VPS39: variants seen among roughly 807,000 people sequenced by gnomAD.
VPS39 encodes vam6/Vps39-like protein.
In VPS39, 70 loss-of-function variants were observed where a neutral mutation model predicts 121.0. The ratio of observed to expected loss-of-function variants is 0.58; its 90% CI spans 0.48 to 0.71. The LOEUF (loss-of-function observed/expected upper bound fraction) is 0.71. Ranked by LOEUF, VPS39 falls within the 30% of genes least tolerant of loss-of-function variation. VPS39 has a pLI of 0.00. For synonymous variants in VPS39, 378 were observed against 398.1 expected (o/e 0.95, Z 0.60); for missense variants, 818 against 1,051.5 (o/e 0.78, Z 3.07).
chr15:42,167,782 G>A (rs1331853456), intron 12 of VPS39, among the ~76,000 whole-genome samples: 2 of 152,108 alleles, frequency 1.3e-5, no homozygotes, highest in East Asian at 1.9e-4. Flanking sequence ...AACAAGTGCC[G>A]ATAATATTAT....
At chr15:42,185,067 C>G (rs2049671960) in intron 7 of VPS39, among the ~76,000 whole-genome samples, 1 of 152,186 alleles carries the variant, frequency 6.6e-6, no homozygotes, top group African/African-American at 2.4e-5. Flanking sequence ...CCATATGCCC[C>G]AGCAATCCCA....
At chr15:42,186,257 C>T (rs2049698873) in intron 7 of VPS39, among the ~76,000 whole-genome samples, 1 of 149,376 alleles carries the variant, frequency 6.7e-6, no homozygotes. Flanking sequence ...CATATTGTGA[C>T]CCCATCTCTA....
intron 1 of VPS39, among the ~76,000 whole-genome samples, chr15:42,206,990 G>A (rs1323554595): frequency 6.6e-6 from 1 of 152,164 alleles, no homozygotes; most frequent in Non-Finnish European, 1.5e-5. Context: ...TAACCCAAAG[G>A]ACTAGAACTG....
intron 8 of VPS39, among the ~76,000 whole-genome samples, chr15:42,182,870 C>T (rs376245110): frequency 7.9e-5 from 12 of 152,316 alleles, no homozygotes; most frequent in East Asian, 7.7e-4. Context: ...ATCAGAAACA[C>T]GCTTGACTTT....
At chr15:42,168,753 A>G (rs1451590122) in intron 12 of VPS39, among the ~76,000 whole-genome samples, 1 of 152,086 alleles carries the variant, frequency 6.6e-6, no homozygotes, top group Non-Finnish European at 1.5e-5. Context: ...CATGTTGGCC[A>G]GGCTGGTTTC....
At chr15:42,163,603 G>A (rs779539891) in intron 20 of VPS39, 23 bp downstream of exon 20, 8 of 1,600,294 alleles carry the variant, frequency 5.0e-6, no homozygotes, top group Non-Finnish European at 6.0e-6. Context: ...TGCTTAGGAG[G>A]TGGGATGTTG....
intron 7 of VPS39, among the ~76,000 whole-genome samples, chr15:42,186,080 G>A (rs2049694580): frequency 6.6e-6 from 1 of 152,102 alleles, no homozygotes; most frequent in Non-Finnish European, 1.5e-5. Context: ...CCAGGAGTCT[G>A]CAACTCTGAT....
Position 42,177,459 on chromosome 15 carries a change from CT to C in VPS39, c.960+758del, listed in dbSNP as rs376969243. 7.8e-3 allele frequency among the ~76,000 whole-genome samples: 1,184 copies of C among 152,180 alleles called. 13 individuals carry two copies. The highest frequency in any genetic ancestry group is 0.027 in the African/African-American group (1,131 of 41,498). On this transcript the variant is annotated intron_variant, in intron 10 of 24. Coordinates refer to ENST00000318006, the MANE Select transcript of VPS39 (RefSeq NM_015289.5). ...ACTGCCGCCTGGCTGAATACAACAA[CT>C]TGAAGTAGTTTCAGAATATCAAAAG...
chr15:42,170,914 T>G (rs2049336286), intron 11 of VPS39, among the ~76,000 whole-genome samples: 1 of 152,056 alleles, frequency 6.6e-6, no homozygotes. Flanking sequence ...TTAAATTTTT[T>G]GTAAAGACAA....
intron 1 of VPS39, among the ~76,000 whole-genome samples, chr15:42,200,536 T>TA (rs1382073583): frequency 1.6e-4 from 24 of 152,194 alleles, no homozygotes; most frequent in African/African-American, 5.1e-4. Flanking sequence ...AAAGATAGTC[T>TA]AGTAGAAAAT....
chr15:42,185,224 G>C (rs970639515), intron 7 of VPS39, among the ~76,000 whole-genome samples: 9 of 150,560 alleles, frequency 6.0e-5, no homozygotes, highest in African/African-American at 2.2e-4. Context: ...TGTCGCCCAG[G>C]CTGGAGTGCA....
chr15:42,160,641 G>T lies in VPS39; in HGVS notation c.*113C>A. On this transcript the variant is annotated 3_prime_UTR_variant, in exon 25 of 25. Coordinates refer to ENST00000318006, the MANE Select transcript of VPS39 (RefSeq NM_015289.5). The stretch of plus-strand genomic sequence containing the variant: ...TCCAGGGCACAAGATAGCCAGTAAT[G>T]TCCAAATGGGGAGCCTTGTGGTGGT... 1 of 926,708 alleles carries T rather than the reference G, an allele frequency of 1.1e-6. No individual in the cohort carries two copies. Among genetic ancestry groups the T allele is most frequent in the Non-Finnish European group, 1.8e-6 (1 of 561,488 alleles). 57.4% of individuals were successfully genotyped at this position (926,708 alleles called of 1,614,324 possible). A position where few individuals can be genotyped will look rare whatever the true frequency, so the allele number is the denominator to read the frequency against.
At position 42,208,259 on chromosome 15, in the gene VPS39, AC is replaced by A. The variant is rs1011794515; in HGVS notation, c.-107del. 8.4e-6 allele frequency: 12 copies of A among 1,429,468 alleles called. No homozygotes were observed. The highest frequency in any genetic ancestry group is 9.5e-6 in the Non-Finnish European group (10 of 1,056,052). The allele number at this position is 1,429,468 out of a possible 1,614,324, so 88.5% of individuals were successfully genotyped here. ...AGGGTAGACCGGGATCCGGCCAGGAACCCCCCGGCTACAGGCCCTTCAACAA... is the reference window on the plus strand; with the variant it reads ...AGGGTAGACCGGGATCCGGCCAGGAACCCCCGGCTACAGGCCCTTCAACAA... On this transcript the variant is annotated 5_prime_UTR_variant, in exon 1 of 25. Transcript: ENST00000318006.
rs199546148 is a variant in VPS39 at position 42,208,009 on chromosome 15, T to C, written c.73+72A>G. ...CCACACGGATGGACGCCTGTCCACT[T>C]CCCCGGCCTCAGAAAAGATCCGGAC... On this transcript the variant is annotated intron_variant, in intron 1 of 24. Coordinates refer to ENST00000318006, the MANE Select transcript of VPS39 (RefSeq NM_015289.5). 1.7e-4 allele frequency: 254 copies of C among 1,512,038 alleles called. No homozygotes were observed. In the East Asian group the frequency reaches 5.2e-3, roughly 31 times the overall value. 93.7% of individuals were successfully genotyped at this position (1,512,038 alleles called of 1,614,324 possible). A position where few individuals can be genotyped will look rare whatever the true frequency, so the allele number is the denominator to read the frequency against.
At chr15:42,173,545 T>C in intron 11 of VPS39, 178 bp downstream of exon 11, 1 of 672,132 alleles carries the variant, frequency 1.5e-6, no homozygotes, top group Middle Eastern at 2.8e-4. Flanking sequence ...ATTCATAGGA[T>C]TAGGAGTATA....
intron 5 of VPS39, among the ~76,000 whole-genome samples, chr15:42,188,172 T>C (rs2049744342): frequency 6.6e-6 from 1 of 152,200 alleles, no homozygotes; most frequent in East Asian, 1.9e-4. Context: ...TTTTTGCTCT[T>C]AAATGTTTCT....
chr15:42,164,480 G>A lies in VPS39; in HGVS notation c.1904C>T (p.Thr635Ile), dbSNP rs1384994005. ...CTCTTCCTCTCCAGCTGGGACTGGG[G>A]TTTTGCCTTTAAGGGAAACCAAGCT... ...EYLLSFPAGK[T>I]PVPAGEEEGE... is the part of the protein sequence containing the mutation. Residue 635 changes from threonine to isoleucine, a missense_variant, in exon 19 of 25, where the codon ACC (threonine) becomes ATC (isoleucine). Coordinates refer to ENST00000318006, the MANE Select transcript of VPS39 (RefSeq NM_015289.5). 10 of 1,613,934 alleles carry A rather than the reference G, an allele frequency of 6.2e-6. No homozygotes were observed. The highest frequency in any genetic ancestry group is 7.6e-6 in the Non-Finnish European group (9 of 1,180,010).
chr15:42,178,150 C>T (rs1340713029), intron 10 of VPS39, 68 bp downstream of exon 10: 2 of 1,601,238 alleles, frequency 1.2e-6, no homozygotes, highest in Non-Finnish European at 1.7e-6. Flanking sequence ...TAAATATGAA[C>T]ATTGAAACCC....
At chr15:42,198,739 T>C (rs1404275511) in intron 2 of VPS39, among the ~76,000 whole-genome samples, 1 of 152,206 alleles carries the variant, frequency 6.6e-6, no homozygotes, top group African/African-American at 2.4e-5. Context: ...AAAGTTTTAT[T>C]GGAACATAGC....
Sources: gnomAD v4.1 joint callset for allele counts (sites outside exome capture counted in the v4.1 genomes callset) on GRCh38, gnomAD v4.1.1 for gene constraint, MANE v1.5 for transcripts, NCBI Gene and HGNC (gene_info 2026-07-23, HGNC 2026-07-21) for gene names.